SEPTIN9: variants seen among roughly 807,000 people sequenced by gnomAD.
The protein encoded by SEPTIN9 is septin 9, also known as septin-9.
A neutral mutation model predicts 56.6 loss-of-function variants in SEPTIN9; 13 were observed. The observed-to-expected ratio is 0.23, with a 90% CI of 0.15 to 0.37. SEPTIN9 has a LOEUF of 0.37. SEPTIN9 is among the 10% of genes least tolerant of loss of function. The probability of loss-of-function intolerance (pLI) is 1.00; values close to 1 mark genes in which losing one functional copy is unlikely to be tolerated. For synonymous variants in SEPTIN9, 332 were observed against 334.1 expected (o/e 0.99, Z 0.07); for missense variants, 650 against 823.1 (o/e 0.79, Z 2.57).
intron 2 of SEPTIN9, among the ~76,000 whole-genome samples, chr17:77,378,081 C>T (rs2034997374): frequency 6.6e-6 from 1 of 152,202 alleles, no homozygotes; most frequent in Non-Finnish European, 1.5e-5. Context: ...GCACTGTGAT[C>T]AGCCTTGCAG....
Position 77,319,748 on chromosome 17 carries a change from AGCATC to A in SEPTIN9, c.76+12554_76+12558del, listed in dbSNP as rs2032837098. The stretch of plus-strand genomic sequence containing the variant: ...AAACCCTTAAGCCCAAGGAAATCGT[AGCATC>A]GCGGGACAGGGAAAATGAAAGACTT... On this transcript the variant is annotated intron_variant, in intron 2 of 11. Coordinates refer to ENST00000427177, the MANE Select transcript of SEPTIN9 (RefSeq NM_001113491.2). The surrounding 1 kb of genome is among the most constrained non-coding windows in gnomAD (Gnocchi z 5.3). The A allele has an allele frequency of 2.8e-6, 3 of 1,070,956 alleles. No individual in the cohort carries two copies. In the South Asian group the frequency reaches 1.3e-4, roughly 46 times the overall value. 66.3% of individuals were successfully genotyped at this position (1,070,956 alleles called of 1,614,324 possible). A position where few individuals can be genotyped will look rare whatever the true frequency, so the allele number is the denominator to read the frequency against.
intron 3 of SEPTIN9, among the ~76,000 whole-genome samples, chr17:77,448,668 G>A (rs2037846325): frequency 6.6e-6 from 1 of 152,052 alleles, no homozygotes; most frequent in Admixed American, 6.6e-5. Flanking sequence ...TCAAATATCT[G>A]TCATTTTTAC....
At chr17:77,386,230 C>CCCCCA (rs1261709185) in intron 2 of SEPTIN9, among the ~76,000 whole-genome samples, 2 of 152,066 alleles carry the variant, frequency 1.3e-5, no homozygotes, top group Non-Finnish European at 2.9e-5. Context: ...CTCCCTCCTG[C>CCCCCA]CCCCACCCCT....
At chr17:77,398,984 G>A (rs1421737104) in intron 2 of SEPTIN9, among the ~76,000 whole-genome samples, 1 of 152,176 alleles carries the variant, frequency 6.6e-6, no homozygotes, top group African/African-American at 2.4e-5. Context: ...AGAGAGGAGA[G>A]GATGGTTGGG....
chr17:77,432,432 C>T lies in SEPTIN9; in HGVS notation c.721+29729C>T, dbSNP rs369288152. On this transcript the variant is annotated intron_variant, in intron 3 of 11. Transcript: ENST00000427177. The stretch of plus-strand genomic sequence containing the variant: ...ATTCACTTGTTCATTTATTCATGGC[C>T]GAGGCCCCGTCTGTGTCAGGCCTGG... 6.5e-4 allele frequency among the ~76,000 whole-genome samples: 99 copies of T among 152,302 alleles called. 1 individual carries two copies. The Middle Eastern group carries it at 0.01, about 16-fold the overall frequency.
intron 2 of SEPTIN9, among the ~76,000 whole-genome samples, chr17:77,324,059 C>T (rs377761666): frequency 1.4e-4 from 22 of 152,372 alleles, no homozygotes; most frequent in African/African-American, 5.3e-4. Context: ...CTTCTGGCGG[C>T]TCCCGAAACC....
chr17:77,407,496 A>T (rs1442810349), intron 3 of SEPTIN9, among the ~76,000 whole-genome samples: 1 of 151,894 alleles, frequency 6.6e-6, no homozygotes, highest in Non-Finnish European at 1.5e-5. Flanking sequence ...CCCCCAGGAC[A>T]CCTGGTCTCT....
At chr17:77,404,159 C>T (rs1421408223) in intron 3 of SEPTIN9, among the ~76,000 whole-genome samples, 2 of 152,146 alleles carry the variant, frequency 1.3e-5, no homozygotes, top group African/African-American at 4.8e-5. Context: ...TTGTGCGATG[C>T]ACTTGTGTTG....
chr17:77,433,039 C>T lies in SEPTIN9; in HGVS notation c.721+30336C>T, dbSNP rs2144293995. On this transcript the variant is annotated intron_variant, in intron 3 of 11. Coordinates refer to ENST00000427177, the MANE Select transcript of SEPTIN9 (RefSeq NM_001113491.2). The surrounding 1 kb of genome is among the most constrained non-coding windows in gnomAD (Gnocchi z 6.4). ...GCTGTTCCCTCCTGCCCCTCCCCTCCCGCTGTGCTCTCAGCTGCTCCGACA... is the reference window on the plus strand; with the variant it reads ...GCTGTTCCCTCCTGCCCCTCCCCTCTCGCTGTGCTCTCAGCTGCTCCGACA... 6.6e-6 allele frequency among the ~76,000 whole-genome samples: 1 copy of T among 152,338 alleles called. No individual in the cohort carries two copies. The highest frequency in any genetic ancestry group is 2.1e-4 in the South Asian group (1 of 4,822).
chr17:77,471,126 A>C (rs312814), intron 3 of SEPTIN9: 12,295 of 152,370 alleles, frequency 0.081, 1,419 homozygotes, highest in African/African-American at 0.26. Flanking sequence ...GGGCACCTGG[A>C]ACAGTTGGCC....
chr17:77,482,713 ACCCCACC>A (rs1391097173), intron 4 of SEPTIN9: 79 of 583,130 alleles, frequency 1.4e-4, no homozygotes, highest in Non-Finnish European at 1.9e-4. Flanking sequence ...TCCCCACCGC[ACCCCACC>A]GCACCCCGGC....
chr17:77,341,166 A>G (rs1171883186), intron 2 of SEPTIN9, among the ~76,000 whole-genome samples: 1 of 152,108 alleles, frequency 6.6e-6, no homozygotes, highest in East Asian at 1.9e-4. Context: ...GGCATAAGAG[A>G]TCTCACTTTT....
In SEPTIN9 at chr17:77,329,112, C is replaced by T. The variant is rs923375584; in HGVS notation, c.76+21915C>T. On this transcript the variant is annotated intron_variant, in intron 2 of 11. Coordinates refer to ENST00000427177, the MANE Select transcript of SEPTIN9 (RefSeq NM_001113491.2). This position sits in a 1 kb window ranked among gnomAD's most constrained non-coding sequence, Gnocchi z 4.3. ...ACAGGCAGGGCCAGGTCGTGCCGGGCCTTGGAGGCCCTGGTGAGGGCTTGA... is the reference window on the plus strand; with the variant it reads ...ACAGGCAGGGCCAGGTCGTGCCGGGTCTTGGAGGCCCTGGTGAGGGCTTGA... Among the ~76,000 whole-genome samples the T allele has an allele frequency of 1.3e-5, 2 of 152,176 alleles. No individual in the cohort carries two copies. The highest frequency in any genetic ancestry group is 6.5e-5 in the Admixed American group (1 of 15,284).
In SEPTIN9 at chr17:77,449,692, G is replaced by T. The variant is rs146678746; in HGVS notation, c.722-32452G>T. 1.8e-4 allele frequency among the ~76,000 whole-genome samples: 28 copies of T among 152,200 alleles called. No individual in the cohort carries two copies. The highest frequency in any genetic ancestry group is 3.3e-4 in the Admixed American group (5 of 15,290). ...TCCTTTGTCAGCGGTTTCTGGAGCTGCCCTTTAGGGGCCAGTGATGAGGGT... is the reference window on the plus strand; with the variant it reads ...TCCTTTGTCAGCGGTTTCTGGAGCTTCCCTTTAGGGGCCAGTGATGAGGGT... On this transcript the variant is annotated intron_variant, in intron 3 of 11. Coordinates refer to ENST00000427177, the MANE Select transcript of SEPTIN9 (RefSeq NM_001113491.2). This position sits in a 1 kb window ranked among gnomAD's most constrained non-coding sequence, Gnocchi z 4.6.
chr17:77,371,221 C>T lies in SEPTIN9; in HGVS notation c.77-30838C>T, dbSNP rs1355528793. The stretch of plus-strand genomic sequence containing the variant: ...AAGGGGCAGTGGCTGGGGCTGGAGC[C>T]GGTGGGCTCTGAGCACAGTCACGAA... On this transcript the variant is annotated intron_variant, in intron 2 of 11. Coordinates refer to ENST00000427177, the MANE Select transcript of SEPTIN9 (RefSeq NM_001113491.2). This position sits in a 1 kb window ranked among gnomAD's most constrained non-coding sequence, Gnocchi z 4.1. Among the ~76,000 whole-genome samples the T allele has an allele frequency of 6.6e-6, 1 of 152,172 alleles. No individual in the cohort carries two copies.
intron 1 of SEPTIN9, among the ~76,000 whole-genome samples, chr17:77,289,355 C>T (rs2031427637): frequency 6.6e-6 from 1 of 151,710 alleles, no homozygotes; most frequent in South Asian, 2.1e-4. Flanking sequence ...CCCCGGCCTC[C>T]CAAAGTGCTG....
At chr17:77,444,466 T>C (rs1598384762) in intron 3 of SEPTIN9, among the ~76,000 whole-genome samples, 1 of 139,054 alleles carries the variant, frequency 7.2e-6, no homozygotes, top group South Asian at 2.4e-4. Context: ...GTGAGAGGGC[T>C]GGGGGTCGGG....
chr17:77,488,373 G>T, intron 6 of SEPTIN9, 52 bp downstream of exon 6: 1 of 1,513,332 alleles, frequency 6.6e-7, no homozygotes, highest in Non-Finnish European at 9.2e-7. Context: ...GGGCTCCCTG[G>T]ACCCCACCCA....
At chr17:77,408,670 T>A (rs1475399461) in intron 3 of SEPTIN9, among the ~76,000 whole-genome samples, 1 of 12,330 alleles carries the variant, frequency 8.1e-5, no homozygotes. Context: ...TGAGCCTGAG[T>A]GGGGGGTGGG....
Sources: gnomAD v4.1 joint callset for allele counts (sites outside exome capture counted in the v4.1 genomes callset) on GRCh38, gnomAD v4.1.1 for gene constraint, Gnocchi (gnomAD v3.1) non-coding constraint, MANE v1.5 for transcripts, NCBI Gene and HGNC (gene_info 2026-07-23, HGNC 2026-07-21) for gene names.